Variants in RFPL2 observed in about 807,000 individuals in gnomAD.
RFPL2 encodes the protein ret finger protein-like 2.
Under a neutral mutation model 17.8 loss-of-function variants are expected in RFPL2, and 13 were observed. The ratio of observed to expected loss-of-function variants is 0.73; its 90% CI spans 0.47 to 1.16. The LOEUF (loss-of-function observed/expected upper bound fraction) is 1.16. RFPL2 is among the 50% of genes most tolerant of loss of function. RFPL2 has a pLI of 0.00. For missense variants in RFPL2, 431 were observed against 479.3 expected (o/e 0.90, Z 0.94); for synonymous variants, 189 against 180.9 (o/e 1.04, Z -0.36).
chr22:32,199,770 T>C, intron 2 of RFPL2: 1 of 289,520 alleles, frequency 3.5e-6, no homozygotes. Flanking sequence ...TTAGGAACAT[T>C]GTGTGACACC....
chr22:32,191,026 T>C lies in RFPL2; in HGVS notation c.883A>G (p.Thr295Ala), dbSNP rs771033503. 13 of 1,613,822 alleles carry C rather than the reference T, an allele frequency of 8.1e-6. No homozygotes were observed. In the East Asian group the frequency reaches 2.9e-4, roughly 36 times the overall value. The part of the protein sequence containing the change: ...GRLSATTVPL[T>A]FLFVDRKLQR... ...AACTTGCGGTCTACGAAGAGGAAAGTCAGCGGCACCGTGGTGGCAGAGAGG... is the reference window on the plus strand; with the variant it reads ...AACTTGCGGTCTACGAAGAGGAAAGCCAGCGGCACCGTGGTGGCAGAGAGG... Residue 295 changes from threonine (T) to alanine (A), a missense_variant, in exon 5 of 5, where the codon ACT becomes GCT. Transcript: ENST00000652607.
Position 32,190,687 on chromosome 22 carries a change from A to T in RFPL2, c.*85T>A. On this transcript the variant is annotated 3_prime_UTR_variant, in exon 5 of 5. Transcript: ENST00000652607. ...ATATTTTTCTCCCGTGACTTTGTAT[A>T]ATGCTTTTACGAAGTAGAGCGTTCC... 1 of 1,348,432 alleles carries T rather than the reference A, an allele frequency of 7.4e-7. No individual in the cohort carries two copies. The highest frequency in any genetic ancestry group is 1.0e-6 in the Non-Finnish European group (1 of 994,646). 83.5% of individuals were successfully genotyped at this position (1,348,432 alleles called of 1,614,324 possible).
intron 3 of RFPL2, among the ~76,000 whole-genome samples, chr22:32,193,792 G>A (rs1251118118): frequency 2.0e-5 from 3 of 151,306 alleles, no homozygotes; most frequent in African/African-American, 7.3e-5. Flanking sequence ...GAACCTGGGA[G>A]GCAGAGGTTG....
At chr22:32,194,005 T>C (rs1329419356) in intron 3 of RFPL2, among the ~76,000 whole-genome samples, 4 of 151,830 alleles carry the variant, frequency 2.6e-5, no homozygotes, top group African/African-American at 9.7e-5. Flanking sequence ...AGACCCTGTC[T>C]CTACAAATAA....
In RFPL2 at chr22:32,194,434, G is replaced by T. The variant is rs570610935; in HGVS notation, c.176C>A (p.Thr59Asn). The change falls in exon 3 of 5, where the codon ACC (threonine) becomes AAC (asparagine). Residue 59 changes from threonine to asparagine, a missense_variant. Coordinates refer to ENST00000652607, the MANE Select transcript of RFPL2 (RefSeq NM_001394555.1). ...GRDPVGGGNL[T>N]NKRPSCAPSP... ...AGGGGCACACGAGGGCCTTTTATTGGTGAGATTCCCACCTCCCACTGGGTC... is the reference window on the plus strand; with the variant it reads ...AGGGGCACACGAGGGCCTTTTATTGTTGAGATTCCCACCTCCCACTGGGTC... 6.2e-7 allele frequency: 1 copy of T among 1,611,572 alleles called. No individual in the cohort carries two copies. The highest frequency in any genetic ancestry group is 2.2e-5 in the East Asian group (1 of 44,846).
At chr22:32,204,111 C>T (rs760208102) in intron 1 of RFPL2, among the ~76,000 whole-genome samples, 36 of 142,814 alleles carry the variant, frequency 2.5e-4, no homozygotes, top group Admixed American at 6.3e-4. Flanking sequence ...TAGCACCCAA[C>T]CCGCACCCCC....
intron 1 of RFPL2, chr22:32,203,058 C>T (rs1208821925): frequency 2.0e-6 from 2 of 985,672 alleles, no homozygotes; most frequent in East Asian, 1.1e-4. Flanking sequence ...GAGGACCGCT[C>T]CTCTCTTGCA....
At chr22:32,201,027 T>C (rs1293119251) in intron 2 of RFPL2, among the ~76,000 whole-genome samples, 1 of 149,272 alleles carries the variant, frequency 6.7e-6, no homozygotes, top group Non-Finnish European at 1.5e-5. Flanking sequence ...GTAATAGGTG[T>C]TCCCTTATTT....
chr22:32,203,071 C>A (rs942280623), intron 1 of RFPL2: 2 of 985,738 alleles, frequency 2.0e-6, no homozygotes, highest in Non-Finnish European at 2.4e-6. Context: ...CTCTTGCAGA[C>A]CACCGCTGTC....
chr22:32,202,590 T>G, intron 1 of RFPL2, 40 bp from the exon 2 acceptor site: 1 of 1,440,216 alleles, frequency 6.9e-7, no homozygotes, highest in South Asian at 1.5e-5. Flanking sequence ...GAGCGCACCT[T>G]GTCATGCTGG....
chr22:32,193,623 C>A, intron 3 of RFPL2: 1 of 549,260 alleles, frequency 1.8e-6, no homozygotes, highest in Non-Finnish European at 2.5e-6. Flanking sequence ...TTTGGGAGGC[C>A]AAGGTGGGTG....
rs369963425 is a variant in RFPL2 at position 32,202,705 on chromosome 22, G to A, written c.-99-155C>T. ...CTGGCCAGGAACTGCGGCCTGGAGT[G>A]GGGACTGCAGACACCACAGTGCCCG... On this transcript the variant is annotated intron_variant, in intron 1 of 4. Transcript: ENST00000652607. 3.8e-5 allele frequency: 49 copies of A among 1,287,714 alleles called. No homozygotes were observed. In the African/African-American group the frequency reaches 6.0e-4, roughly 16 times the overall value. 79.8% of individuals were successfully genotyped at this position (1,287,714 alleles called of 1,614,324 possible). A position where few individuals can be genotyped will look rare whatever the true frequency, so the allele number is the denominator to read the frequency against.
At chr22:32,191,407 T>C in intron 4 of RFPL2, 55 bp from the exon 5 acceptor site, 1 of 1,542,226 alleles carries the variant, frequency 6.5e-7, no homozygotes, top group Non-Finnish European at 8.7e-7. Flanking sequence ...ACCCTATGCC[T>C]CTCTTCTACT....
rs1454116789 is a variant in RFPL2 at position 32,192,886 on chromosome 22, T to C, written c.556+16A>G. 1.3e-6 allele frequency: 2 copies of C among 1,598,600 alleles called. No homozygotes were observed. The highest frequency in any genetic ancestry group is 1.1e-5 in the South Asian group (1 of 87,380). ...GTCTGGTCTTGGGAAGGGGGCAGGG[T>C]ATACAGATGCCTTACCTTGGAACTT... is the stretch of plus-strand genomic sequence containing the variant. On this transcript the variant is annotated intron_variant, in intron 4 of 4. Transcript: ENST00000652607.
rs747196259 is a variant in RFPL2 at position 32,191,057 on chromosome 22, T to G, written c.852A>C (p.Gly284=). 1.2e-6 allele frequency: 2 copies of G among 1,613,956 alleles called. 1 individual carries two copies. Among genetic ancestry groups the G allele is most frequent in the South Asian group, 2.2e-5 (2 of 91,080 alleles). Residue 284 remains glycine (G), a synonymous_variant, in exon 5 of 5, where the codon GGA becomes GGC. Transcript: ENST00000652607. Reference sequence around the variant, plus strand: ...GCACCGTGGTGGCAGAGAGGCGGCCTCCATCCCTCAAACTCACAGTCCAGA... The same window carrying G: ...GCACCGTGGTGGCAGAGAGGCGGCCGCCATCCCTCAAACTCACAGTCCAGA... ...LGFWTVSLRD[G]GRLSATTVPL...
At position 32,194,350 on chromosome 22, in the gene RFPL2, C is replaced by T; in HGVS notation, c.260G>A (p.Arg87Lys). ...ACACACAGGCATGGGCTCACCTCTTCTGCTGGAAGCTCCTCTGTCCTCCAG... is the reference window on the plus strand; with the variant it reads ...ACACACAGGCATGGGCTCACCTCTTTTGCTGGAAGCTCCTCTGTCCTCCAG... ...KQLEDRGASS[R>K]RVDMAALFQE... Residue 87 changes from arginine to lysine, a missense_variant, in exon 3 of 5, where the codon AGA (arginine) becomes AAA (lysine). By Grantham distance (26) the Arg-to-Lys change is conservative. Transcript: ENST00000652607. The T allele has an allele frequency of 6.2e-7, 1 of 1,603,360 alleles. No homozygotes were observed. The highest frequency in any genetic ancestry group is 1.1e-5 in the South Asian group (1 of 89,064).
chr22:32,198,369 G>C (rs136488), intron 2 of RFPL2, among the ~76,000 whole-genome samples: 1 of 151,620 alleles, frequency 6.6e-6, no homozygotes, highest in Non-Finnish European at 1.5e-5. Context: ...CATGGGGTCA[G>C]CTGTCCCATC....
intron 3 of RFPL2, 104 bp from the exon 4 acceptor site, chr22:32,193,296 GC>G: frequency 6.3e-7 from 1 of 1,599,042 alleles, no homozygotes; most frequent in Non-Finnish European, 8.5e-7. Context: ...TTGTGTTCCA[GC>G]TTTGTCACTC....
At chr22:32,193,620 G>A in intron 3 of RFPL2, 2 of 564,348 alleles carry the variant, frequency 3.5e-6, no homozygotes, top group Middle Eastern at 6.9e-4. Context: ...CACTTTGGGA[G>A]GCCAAGGTGG....
Sources: gnomAD v4.1 joint callset for allele counts (sites outside exome capture counted in the v4.1 genomes callset) on GRCh38, gnomAD v4.1.1 for gene constraint, MANE v1.5 for transcripts, NCBI Gene and HGNC (gene_info 2026-07-23, HGNC 2026-07-21) for gene names.